SIRPB1: variants seen among roughly 807,000 people sequenced by gnomAD.
The protein encoded by SIRPB1 is signal-regulatory protein beta-1.
SIRPB1 carries 28 observed loss-of-function variants against 34.1 expected under a neutral mutation model. The observed-to-expected ratio is 0.82, with a 90% CI of 0.61 to 1.12. The LOEUF is 1.12. Among genes scored for constraint, SIRPB1 ranks in the 50% most tolerant of loss-of-function variants. The pLI is 0.00. For synonymous variants in SIRPB1, 211 were observed against 203.8 expected, an observed-to-expected ratio of 1.04 and a Z score of -0.30; for missense variants, 499 against 507.0, an observed-to-expected ratio of 0.98 and a Z score of 0.15.
chr20:1,568,183 G>A (rs2091169397), intron 4 of SIRPB1, among the ~76,000 whole-genome samples: 1 of 152,162 alleles, frequency 6.6e-6, no homozygotes. Flanking sequence ...AACAGAAAAG[G>A]AAAAGTAAAT....
intron 4 of SIRPB1, 124 bp from the exon 5 acceptor site, chr20:1,566,391 T>G: frequency 1.7e-6 from 1 of 583,164 alleles, no homozygotes; most frequent in East Asian, 3.0e-5. Context: ...TGAACTTGCA[T>G]CCTGCTCTGG....
rs923880622 is a variant in SIRPB1, at chr20:1,577,459, A to G, written c.433+879T>C. On this transcript the variant is annotated intron_variant, in intron 2 of 5. Transcript: ENST00000381605. ...CTGTGCTGACATGCCAGAATTCAGC[A>G]GTTAAGACGAGGCTTTTGGGGCTCT... Among the ~76,000 whole-genome samples, 2 of 147,772 alleles carry G rather than the reference A, an allele frequency of 1.4e-5. 1 individual carries two copies. The highest frequency in any genetic ancestry group is 4.9e-5 in the African/African-American group (2 of 40,722).
intron 1 of SIRPB1, among the ~76,000 whole-genome samples, chr20:1,617,664 G>A (rs1449238650): frequency 6.6e-6 from 1 of 152,094 alleles, no homozygotes; most frequent in Non-Finnish European, 1.5e-5. Context: ...CTCAAAAATT[G>A]TTGAAAGCAG....
chr20:1,614,699 G>T (rs1267997280), intron 1 of SIRPB1, among the ~76,000 whole-genome samples: 1 of 151,924 alleles, frequency 6.6e-6, no homozygotes, highest in East Asian at 1.9e-4. Context: ...ATGTTAGAGT[G>T]ATCCTCAAAA....
At chr20:1,604,652 T>C in intron 1 of SIRPB1, 1 of 358,416 alleles carries the variant, frequency 2.8e-6, no homozygotes, top group East Asian at 7.0e-5. Context: ...TTTCAAGCCC[T>C]GGAGCAAGAG....
chr20:1,578,071 C>T lies in SIRPB1; in HGVS notation c.433+267G>A, dbSNP rs568927579. On this transcript the variant is annotated intron_variant, in intron 2 of 5. Transcript: ENST00000381605. The stretch of plus-strand genomic sequence containing the variant: ...TTCCCTCATCTGTGGAACCAAAGGG[C>T]TGGGTCAGCTTTGGAAACACAAGAG... The T allele has an allele frequency of 9.7e-4, 482 of 495,944 alleles. 28 individuals carry two copies. The South Asian group carries it at 0.011, about 11-fold the overall frequency. The allele number at this position is 495,944 out of a possible 1,614,324, so 30.7% of individuals were successfully genotyped here.
rs754059541 is a variant in SIRPB1 at position 1,571,720 on chromosome 20, CT to C, written c.750del (p.Val251PhefsTer12). 1 of 1,614,192 alleles carries C rather than the reference CT, an allele frequency of 6.2e-7. No individual in the cohort carries two copies. On this transcript the variant is annotated frameshift_variant and splice_region_variant, in exon 3 of 6. Coordinates refer to ENST00000381605, the MANE Select transcript of SIRPB1 (RefSeq NM_006065.5). LOFTEE classifies it high-confidence loss of function. The part of the protein sequence containing the change: ...RGTANLSEAI[R>X]VPPTLEVTQQ... Reference sequence around the variant, plus strand: ...TGGGCTGGGTGTGAGGGTCTTCTACCTCGGATGGCCTCAGACAAGTTGGCAG... The same window carrying C: ...TGGGCTGGGTGTGAGGGTCTTCTACCCGGATGGCCTCAGACAAGTTGGCAG...
rs1487976773 is a variant in SIRPB1, at chr20:1,565,460, C to G, written c.*40G>C. The G allele has an allele frequency of 1.2e-5, 2 of 162,684 alleles. No individual in the cohort carries two copies. Among genetic ancestry groups the G allele is most frequent in the Non-Finnish European group, 1.3e-5 (1 of 76,238 alleles). The allele number at this position is 162,684 out of a possible 1,614,324, so 10.1% of individuals were successfully genotyped here. A position where few individuals can be genotyped will look rare whatever the true frequency, so the allele number is the denominator to read the frequency against. ...CGCCAGCTCCTTCTCTCAGGCTGAG[C>G]TTCTCAAGAAAGGAGGAGGCAGCAG... On this transcript the variant is annotated 3_prime_UTR_variant, in exon 6 of 6. Coordinates refer to ENST00000381605, the MANE Select transcript of SIRPB1 (RefSeq NM_006065.5).
At chr20:1,576,185 C>T (rs1568687952) in intron 2 of SIRPB1, among the ~76,000 whole-genome samples, 1 of 147,536 alleles carries the variant, frequency 6.8e-6, no homozygotes, top group Non-Finnish European at 1.5e-5. Context: ...GCTGGGGAGG[C>T]ACCACCTGGG....
In SIRPB1 at chr20:1,577,023, T is replaced by G. The variant is rs1379487871; in HGVS notation, c.433+1315A>C. Among the ~76,000 whole-genome samples the G allele has an allele frequency of 1.3e-5, 2 of 148,164 alleles. 1 individual carries two copies. Among genetic ancestry groups the G allele is most frequent in the Non-Finnish European group, 3.0e-5 (2 of 66,162 alleles). On this transcript the variant is annotated intron_variant, in intron 2 of 5. Coordinates refer to ENST00000381605, the MANE Select transcript of SIRPB1 (RefSeq NM_006065.5). ...TTGGTATTTCCATAAATTGGAGTATTTTTCAGCTGTAAAAAAACTGGAGCA... is the reference window on the plus strand; with the variant it reads ...TTGGTATTTCCATAAATTGGAGTATGTTTCAGCTGTAAAAAAACTGGAGCA...
intron 1 of SIRPB1, chr20:1,611,297 A>G: frequency 1.3e-6 from 1 of 762,112 alleles, no homozygotes. Context: ...AGAATGGATA[A>G]TGTAATTATT....
intron 1 of SIRPB1, among the ~76,000 whole-genome samples, chr20:1,614,377 C>T (rs1046301024): frequency 2.0e-5 from 3 of 152,300 alleles, no homozygotes; most frequent in Non-Finnish European, 4.4e-5. Context: ...AAGCTGTGAG[C>T]ACCCTGCCCA....
chr20:1,572,184 C>T (rs2091251999), intron 2 of SIRPB1, 147 bp from the exon 3 acceptor site: 4 of 1,331,008 alleles, frequency 3.0e-6, no homozygotes, highest in Admixed American at 2.3e-5. Context: ...TCTCATTTTA[C>T]AGATCAGGAC....
In SIRPB1 at chr20:1,582,553, TAGA is replaced by T. The variant is rs2091403217; in HGVS notation, c.77-3862_77-3860del. Among the ~76,000 whole-genome samples the T allele has an allele frequency of 4.0e-5, 2 of 49,424 alleles. 1 individual carries two copies. Among genetic ancestry groups the T allele is most frequent in the Admixed American group, 2.7e-4 (2 of 7,356 alleles). The allele number at this position is 49,424 out of a possible 152,430, so 32.4% of individuals were successfully genotyped here. A position where few individuals can be genotyped will look rare whatever the true frequency, so the allele number is the denominator to read the frequency against. On this transcript the variant is annotated intron_variant, in intron 1 of 5. Coordinates refer to ENST00000381605, the MANE Select transcript of SIRPB1 (RefSeq NM_006065.5). ...TAGCAAACTGAATTGAACAGCATAT[TAGA>T]AGAATTATACAACACGAGCAAGTGA...
In SIRPB1 at chr20:1,613,202, C is replaced by T. The variant is rs1489973089; in HGVS notation, c.76+6667G>A. Among the ~76,000 whole-genome samples, 10 of 72,956 alleles carry T rather than the reference C, an allele frequency of 1.4e-4. 4 individuals are homozygous for T. The highest frequency in any genetic ancestry group is 6.8e-4 in the African/African-American group (8 of 11,720). The allele number at this position is 72,956 out of a possible 152,430, so 47.9% of individuals were successfully genotyped here. A position where few individuals can be genotyped will look rare whatever the true frequency, so the allele number is the denominator to read the frequency against. On this transcript the variant is annotated intron_variant, in intron 1 of 5. Transcript: ENST00000381605. ...TCCACAATTTTTAAAGAGCTTTCAG[C>T]AGAGCTATGTGTCTTCTGGAGGCTC...
chr20:1,616,955 C>T (rs1486300043), intron 1 of SIRPB1, among the ~76,000 whole-genome samples: 1 of 152,174 alleles, frequency 6.6e-6, no homozygotes, highest in Non-Finnish European at 1.5e-5. Flanking sequence ...CTCAGCCTTA[C>T]TATTCATCTG....
rs367952285 is a variant in SIRPB1 at position 1,576,678 on chromosome 20, G to A, written c.433+1660C>T. On this transcript the variant is annotated intron_variant, in intron 2 of 5. Transcript: ENST00000381605. ...TCCCAGCAGTTTGGGAGGCTGAGGC[G>A]GGTGGATCACCTGAGTTTGGGAGTT... is the stretch of plus-strand genomic sequence containing the variant. Among the ~76,000 whole-genome samples the A allele has an allele frequency of 4.7e-5, 7 of 148,618 alleles. 2 individuals are homozygous for A. The highest frequency in any genetic ancestry group is 7.5e-5 in the Non-Finnish European group (5 of 66,254).
At chr20:1,619,377 G>A (rs979152687) in intron 1 of SIRPB1, among the ~76,000 whole-genome samples, 1 of 152,132 alleles carries the variant, frequency 6.6e-6, no homozygotes, top group Non-Finnish European at 1.5e-5. Flanking sequence ...ACAAAGTGAG[G>A]AGCACCCTTA....
chr20:1,580,431 G>A (rs895723789), intron 1 of SIRPB1, among the ~76,000 whole-genome samples: 3 of 136,854 alleles, frequency 2.2e-5, no homozygotes, highest in African/African-American at 5.4e-5. Flanking sequence ...AGGAAATAAC[G>A]GACCAAGAAC....
Sources: allele counts gnomAD v4.1 joint callset (sites outside exome capture counted in the v4.1 genomes callset), GRCh38; gene constraint gnomAD v4.1.1; transcripts MANE v1.5; gene names NCBI Gene and HGNC (gene_info 2026-07-23, HGNC 2026-07-21).